The following MRTFA variants were observed in gnomAD, a reference collection of about 807,000 sequenced individuals.
The protein encoded by MRTFA is myocardin-related transcription factor A.
A neutral mutation model predicts 83.5 loss-of-function variants in MRTFA; 20 were observed. That is an observed-to-expected ratio of 0.24 (90% CI 0.17 to 0.35). The LOEUF (loss-of-function observed/expected upper bound fraction) is 0.35. Ranked by LOEUF, MRTFA falls within the 10% of genes least tolerant of loss-of-function variation. MRTFA has a pLI of 1.00. For missense variants in MRTFA, 1,200 were observed against 1,224.7 expected (o/e 0.98, Z 0.30); for synonymous variants, 659 against 541.2 (o/e 1.22, Z -3.02).
chr22:40,534,865 TG>T (rs1255567284), intron 3 of MRTFA, among the ~76,000 whole-genome samples: 5 of 152,216 alleles, frequency 3.3e-5, no homozygotes, highest in African/African-American at 4.8e-5. Flanking sequence ...AATACCTTAA[TG>T]CTTACATAGT....
chr22:40,514,812 A>G (rs17002000), intron 3 of MRTFA, among the ~76,000 whole-genome samples: 2,818 of 151,812 alleles, frequency 0.019, 91 homozygotes, highest in African/African-American at 0.066. Flanking sequence ...CGGTTTGTAC[A>G]TGCTCTTCAG....
chr22:40,625,462 TA>T (rs2056571321), intron 1 of MRTFA, among the ~76,000 whole-genome samples: 1 of 145,246 alleles, frequency 6.9e-6, no homozygotes, highest in African/African-American at 2.5e-5. Context: ...AATAAATAAA[TA>T]AATAAATAAA....
chr22:40,621,891 C>T (rs2064130594), intron 1 of MRTFA, among the ~76,000 whole-genome samples: 1 of 152,196 alleles, frequency 6.6e-6, no homozygotes, highest in Admixed American at 6.5e-5. Flanking sequence ...TTACACTATA[C>T]ATGTCTGACC....
In MRTFA at chr22:40,418,581, C is replaced by G; in HGVS notation, c.2157G>C (p.Pro719=). ...AGGCTTCCTGCTTCACCACCACGGA[C>G]GGGGGCCCCGGGGCCACAGCACAAG... The change falls in exon 12 of 15, where the codon CCG becomes CCC. Residue 719 remains proline, a synonymous_variant. Coordinates refer to ENST00000355630, the MANE Select transcript of MRTFA (RefSeq NM_020831.6). 6.5e-7 allele frequency: 1 copy of G among 1,550,012 alleles called. No homozygotes were observed. The highest frequency in any genetic ancestry group is 8.7e-7 in the Non-Finnish European group (1 of 1,155,002).
intron 9 of MRTFA, among the ~76,000 whole-genome samples, chr22:40,421,434 C>A (rs547963839): frequency 8.0e-4 from 122 of 152,292 alleles, no homozygotes; most frequent in African/African-American, 2.8e-3. Flanking sequence ...CTGCGCCAGA[C>A]CAGGCACCTT....
intron 5 of MRTFA, chr22:40,433,757 A>G (rs1238678946): frequency 6.6e-6 from 1 of 152,254 alleles, no homozygotes. Context: ...AGAATTAAGT[A>G]AAGCAAATTC....
intron 3 of MRTFA, chr22:40,523,218 C>T (rs1169242350): frequency 6.6e-6 from 1 of 152,098 alleles, no homozygotes; most frequent in East Asian, 1.9e-4. Context: ...CTGTTTTACC[C>T]TATTCTTCCA....
At chr22:40,561,701 A>G (rs2055620261) in intron 2 of MRTFA, among the ~76,000 whole-genome samples, 1 of 152,196 alleles carries the variant, frequency 6.6e-6, no homozygotes, top group South Asian at 2.1e-4. Flanking sequence ...ACAGAAAAAT[A>G]TAACAAAACA....
intron 3 of MRTFA, among the ~76,000 whole-genome samples, chr22:40,485,066 G>A (rs1351182110): frequency 5.6e-5 from 8 of 142,476 alleles, no homozygotes; most frequent in African/African-American, 1.6e-4. Context: ...GTGAGACTCC[G>A]TCTCAAAAAA....
At position 40,423,743 on chromosome 22, in the gene MRTFA, C is replaced by T. The variant is rs1479839040; in HGVS notation, c.778-58G>A. On this transcript the variant is annotated intron_variant, in intron 8 of 14. Coordinates refer to ENST00000355630, the MANE Select transcript of MRTFA (RefSeq NM_020831.6). ...CACCTCCAGGTAGGGTGTGCCCAGCCTGCCCTGACCCTACACAGGGTCCTC... is the reference window on the plus strand; with the variant it reads ...CACCTCCAGGTAGGGTGTGCCCAGCTTGCCCTGACCCTACACAGGGTCCTC... The T allele has an allele frequency of 2.1e-6, 3 of 1,431,934 alleles. No individual in the cohort carries two copies. The African/African-American group carries it at 4.3e-5, about 21-fold the overall frequency. The allele number at this position is 1,431,934 out of a possible 1,614,324, so 88.7% of individuals were successfully genotyped here.
intron 1 of MRTFA, among the ~76,000 whole-genome samples, chr22:40,622,983 G>C (rs933293798): frequency 1.1e-4 from 16 of 152,186 alleles, no homozygotes; most frequent in African/African-American, 3.9e-4. Context: ...AAGTGAGAAA[G>C]AGAAGATGAC....
intron 3 of MRTFA, among the ~76,000 whole-genome samples, chr22:40,496,488 T>C (rs1289769129): frequency 6.6e-6 from 1 of 150,524 alleles, no homozygotes; most frequent in Non-Finnish European, 1.5e-5. Context: ...CTACTGTCTT[T>C]ATAATAAGCC....
At chr22:40,492,925 A>C (rs2147205223) in intron 3 of MRTFA, among the ~76,000 whole-genome samples, 1 of 152,366 alleles carries the variant, frequency 6.6e-6, no homozygotes, top group Non-Finnish European at 1.5e-5. Flanking sequence ...AAGAAGATAC[A>C]GTTCAATACA....
rs2056656023 is a variant in MRTFA at position 40,632,855 on chromosome 22, T to C, written c.-84+3623A>G. ...TTGTCTTAAACACTAACTTTCGAGG[T>C]AATCTGTTACACAGGAAGACAGTTA... On this transcript the variant is annotated intron_variant, in intron 1 of 14. Coordinates refer to ENST00000355630, the MANE Select transcript of MRTFA (RefSeq NM_020831.6). 1.3e-5 allele frequency among the ~76,000 whole-genome samples: 2 copies of C among 152,194 alleles called. 1 individual carries two copies. The highest frequency in any genetic ancestry group is 4.1e-4 in the South Asian group (2 of 4,832).
intron 2 of MRTFA, among the ~76,000 whole-genome samples, chr22:40,573,173 T>G (rs1215461482): frequency 1.3e-5 from 2 of 152,142 alleles, no homozygotes; most frequent in Non-Finnish European, 2.9e-5. Flanking sequence ...GATGAAAATG[T>G]TCTGGAATTG....
intron 14 of MRTFA, 190 bp from the exon 15 acceptor site, chr22:40,412,097 G>A (rs2052564331): frequency 1.1e-5 from 5 of 450,038 alleles, no homozygotes; most frequent in Non-Finnish European, 7.3e-6. Context: ...ATTTGATAAA[G>A]AAGTGATATC....
chr22:40,449,530 A>C (rs1256242823), intron 4 of MRTFA, among the ~76,000 whole-genome samples: 1 of 152,222 alleles, frequency 6.6e-6, no homozygotes, highest in Non-Finnish European at 1.5e-5. Context: ...CCTAGGCCTT[A>C]AGAATAATCT....
intron 4 of MRTFA, among the ~76,000 whole-genome samples, chr22:40,445,750 G>A (rs531703831): frequency 3.9e-5 from 6 of 152,074 alleles, no homozygotes; most frequent in East Asian, 3.9e-4. Flanking sequence ...GGGTTTCACC[G>A]TGTTGGTCAG....
intron 1 of MRTFA, among the ~76,000 whole-genome samples, chr22:40,627,300 C>G (rs6001983): frequency 0.1 from 15,298 of 152,104 alleles, 924 homozygotes; most frequent in East Asian, 0.25. Flanking sequence ...TTCTTGTAGA[C>G]ACACGGTCTT....
Sources: gnomAD v4.1 joint callset for allele counts (sites outside exome capture counted in the v4.1 genomes callset) on GRCh38, gnomAD v4.1.1 for gene constraint, MANE v1.5 for transcripts, NCBI Gene and HGNC (gene_info 2026-07-23, HGNC 2026-07-21) for gene names.